GNG12: variants seen among roughly 807,000 people sequenced by gnomAD.
The protein encoded by GNG12 is G protein subunit gamma 12, also known as guanine nucleotide-binding protein G(I)/G(S)/G(O) subunit gamma-12.
For missense variants in GNG12, 69 were observed against 83.8 expected, an observed-to-expected ratio of 0.82 and a Z score of 0.69; for synonymous variants, 28 against 29.7, an observed-to-expected ratio of 0.94 and a Z score of 0.19.
intron 2 of GNG12, among the ~76,000 whole-genome samples, chr1:67,746,537 G>A (rs538804615): frequency 1.6e-4 from 24 of 152,284 alleles, no homozygotes; most frequent in Middle Eastern, 3.4e-3. Context: ...ATGGGGGCGG[G>A]GGAGGTGGTC....
intron 2 of GNG12, among the ~76,000 whole-genome samples, chr1:67,751,752 T>C (rs1424423086): frequency 2.0e-5 from 3 of 152,232 alleles, no homozygotes; most frequent in Non-Finnish European, 2.9e-5. Flanking sequence ...TGTGTCTCTA[T>C]GGCTGGTGGA....
chr1:67,707,192 T>C (rs1307153990), intron 3 of GNG12, among the ~76,000 whole-genome samples: 1 of 152,244 alleles, frequency 6.6e-6, no homozygotes, highest in African/African-American at 2.4e-5. Context: ...AAACCTAGAC[T>C]GCTGACTTCT....
chr1:67,792,711 A>G (rs749552256), intron 1 of GNG12, among the ~76,000 whole-genome samples: 3 of 152,134 alleles, frequency 2.0e-5, no homozygotes, highest in Non-Finnish European at 2.9e-5. Flanking sequence ...TTCAATGCCA[A>G]GTAGTTTGCC....
intron 1 of GNG12, among the ~76,000 whole-genome samples, chr1:67,806,272 A>G (rs1204438977): frequency 6.6e-6 from 1 of 152,202 alleles, no homozygotes; most frequent in African/African-American, 2.4e-5. Context: ...AACAGATAAT[A>G]CTTTGATTAA....
rs558898913 is a variant in GNG12 at position 67,811,280 on chromosome 1, G to C, written c.-77+22064C>G. 7.2e-5 allele frequency among the ~76,000 whole-genome samples: 11 copies of C among 152,250 alleles called. No individual in the cohort carries two copies. The South Asian group carries it at 2.1e-3, about 29-fold the overall frequency. The stretch of plus-strand genomic sequence containing the variant: ...TGATTGAACTGGGTAGGGAGAGCTC[G>C]ATGTGTGCCTTCGAGGTCTCACCTG... On this transcript the variant is annotated intron_variant, in intron 1 of 3. Coordinates refer to ENST00000370982, the MANE Select transcript of GNG12 (RefSeq NM_018841.6).
intron 2 of GNG12, among the ~76,000 whole-genome samples, chr1:67,760,647 T>G (rs2100738492): frequency 6.6e-6 from 1 of 152,340 alleles, no homozygotes; most frequent in African/African-American, 2.4e-5. Context: ...TACTGAACCT[T>G]AGTGTTAGAA....
intron 1 of GNG12, among the ~76,000 whole-genome samples, chr1:67,781,820 G>A (rs1646739182): frequency 6.6e-6 from 1 of 152,120 alleles, no homozygotes; most frequent in Non-Finnish European, 1.5e-5. Flanking sequence ...CATTTACTCA[G>A]GGAGAAAACA....
At chr1:67,731,981 A>C (rs143131824) in intron 2 of GNG12, among the ~76,000 whole-genome samples, 1,635 of 152,310 alleles carry the variant, frequency 0.011, 25 homozygotes, top group African/African-American at 0.037. Flanking sequence ...ATATTTACTT[A>C]ATGAATATGC....
At chr1:67,791,758 C>T (rs552126510) in intron 1 of GNG12, among the ~76,000 whole-genome samples, 1 of 152,270 alleles carries the variant, frequency 6.6e-6, no homozygotes, top group African/African-American at 2.4e-5. Flanking sequence ...CTGATCTGGG[C>T]TTCACACTTG....
In GNG12 at chr1:67,754,782, G is replaced by A. The variant is rs150109082; in HGVS notation, c.-27+22676C>T. ...GGTCTTCTGCATTAGAGGCCACTCC[G>A]TGAGGACTTCCTTGCTCTCCTCTGA... On this transcript the variant is annotated intron_variant, in intron 2 of 3. Transcript: ENST00000370982. Among the ~76,000 whole-genome samples the A allele has an allele frequency of 3.3e-3, 498 of 152,336 alleles. 1 individual carries two copies. The highest frequency in any genetic ancestry group is 0.011 in the African/African-American group (472 of 41,582).
chr1:67,731,829 T>G (rs1392443170), intron 2 of GNG12, among the ~76,000 whole-genome samples: 1 of 152,248 alleles, frequency 6.6e-6, no homozygotes, highest in East Asian at 1.9e-4. Context: ...CTCTGTGGTA[T>G]TTCACTGCCT....
intron 1 of GNG12, among the ~76,000 whole-genome samples, chr1:67,818,177 A>G (rs1646964787): frequency 1.3e-5 from 2 of 152,134 alleles, no homozygotes; most frequent in South Asian, 4.1e-4. Context: ...TTTGAAGGAA[A>G]CATTTTCAAA....
At chr1:67,743,844 T>C (rs1376919664) in intron 2 of GNG12, among the ~76,000 whole-genome samples, 1 of 152,186 alleles carries the variant, frequency 6.6e-6, no homozygotes, top group Non-Finnish European at 1.5e-5. Flanking sequence ...TATTGGTCTT[T>C]AAGAGATTGA....
chr1:67,808,557 A>T (rs1646906287), intron 1 of GNG12, among the ~76,000 whole-genome samples: 1 of 152,158 alleles, frequency 6.6e-6, no homozygotes. Context: ...AATCTGAAAA[A>T]ACTGACAAAA....
chr1:67,823,380 G>T (rs1204261331), intron 1 of GNG12, among the ~76,000 whole-genome samples: 2 of 152,122 alleles, frequency 1.3e-5, no homozygotes, highest in Admixed American at 6.5e-5. Context: ...ATTAGCAACT[G>T]GCATAAAACC....
Position 67,704,775 on chromosome 1 carries a change from G to C in GNG12, c.*676C>G, listed in dbSNP as rs537766119. On this transcript the variant is annotated 3_prime_UTR_variant, in exon 4 of 4. Coordinates refer to ENST00000370982, the MANE Select transcript of GNG12 (RefSeq NM_018841.6). ...TAAGAGGTCCAGCAAGATTTCAAGA[G>C]AGGAGAGATGATTGCATTACTTGAT... The C allele has an allele frequency of 2.6e-5, 4 of 152,752 alleles. No individual in the cohort carries two copies. Among genetic ancestry groups the C allele is most frequent in the Non-Finnish European group, 5.9e-5 (4 of 68,030 alleles). 9.5% of individuals were successfully genotyped at this position (152,752 alleles called of 1,614,324 possible). A position where few individuals can be genotyped will look rare whatever the true frequency, so the allele number is the denominator to read the frequency against.
chr1:67,765,642 T>C (rs1025253541), intron 2 of GNG12, among the ~76,000 whole-genome samples: 2 of 152,204 alleles, frequency 1.3e-5, no homozygotes, highest in Admixed American at 6.5e-5. Context: ...ATTTTTCTTT[T>C]AAAAATACAC....
At chr1:67,777,532 C>G (rs1646712738) in intron 1 of GNG12, 25 bp from the exon 2 acceptor site, 6 of 608,648 alleles carry the variant, frequency 9.9e-6, no homozygotes, top group Non-Finnish European at 1.2e-5. Context: ...AATAAACATT[C>G]CATAAGTAAA....
intron 2 of GNG12, among the ~76,000 whole-genome samples, chr1:67,750,616 C>T (rs937756258): frequency 2.0e-5 from 3 of 152,186 alleles, no homozygotes; most frequent in Non-Finnish European, 2.9e-5. Flanking sequence ...TCATTAGCCC[C>T]TAACTTACAA....
Sources: gnomAD v4.1 joint callset for allele counts (sites outside exome capture counted in the v4.1 genomes callset) on GRCh38, gnomAD v4.1.1 for gene constraint, MANE v1.5 for transcripts, NCBI Gene and HGNC (gene_info 2026-07-23, HGNC 2026-07-21) for gene names.